NEK6: variants seen among roughly 807,000 people sequenced by gnomAD.
The protein encoded by NEK6 is serine/threonine-protein kinase Nek6.
A neutral mutation model predicts 43.5 loss-of-function variants in NEK6; 27 were observed. That is an observed-to-expected ratio of 0.62 (90% confidence interval 0.46 to 0.86). The LOEUF (loss-of-function observed/expected upper bound fraction) is 0.86, where lower values mean the gene tolerates loss of function less well. NEK6 is among the 40% of genes least tolerant of loss of function. The pLI is 0.00. For synonymous variants in NEK6, 167 were observed against 164.1 expected (o/e 1.02, Z -0.14); for missense variants, 318 against 414.4 (o/e 0.77, Z 2.02).
chr9:124,322,075 T>G (rs75972965), intron 5 of NEK6, among the ~76,000 whole-genome samples: 1,853 of 152,228 alleles, frequency 0.012, 26 homozygotes, highest in African/African-American at 0.041. Context: ...CCCAGAGAGG[T>G]TAAGAGACTT....
At chr9:124,344,079 G>A (rs1017357140) in intron 8 of NEK6, among the ~76,000 whole-genome samples, 1 of 152,142 alleles carries the variant, frequency 6.6e-6, no homozygotes, top group Non-Finnish European at 1.5e-5. Flanking sequence ...GGCCACCCGC[G>A]GTCCTCGGTC....
intron 4 of NEK6, among the ~76,000 whole-genome samples, chr9:124,319,365 A>T (rs950228481): frequency 6.6e-6 from 1 of 151,926 alleles, no homozygotes; most frequent in African/African-American, 2.4e-5. Context: ...CCTTTGTCAG[A>T]TGCATAGTTT....
chr9:124,292,962 T>G (rs760001393), intron 1 of NEK6: 10 of 1,574,346 alleles, frequency 6.4e-6, no homozygotes, highest in Non-Finnish European at 8.6e-6. Context: ...AGAAGTTTGC[T>G]GGGAGGCAGC....
At chr9:124,327,283 C>A in intron 6 of NEK6, 55 bp from the exon 7 acceptor site, 2 of 1,449,360 alleles carry the variant, frequency 1.4e-6, no homozygotes, top group Non-Finnish European at 1.9e-6. Flanking sequence ...CTCGTCCTGC[C>A]CCACCTACCC....
At chr9:124,297,008 T>C (rs1832725456) in intron 1 of NEK6, among the ~76,000 whole-genome samples, 1 of 152,238 alleles carries the variant, frequency 6.6e-6, no homozygotes, top group South Asian at 2.1e-4. Flanking sequence ...GCCTCATCCA[T>C]GGCCGGGCAG....
intron 9 of NEK6, 131 bp downstream of exon 9, chr9:124,347,953 TG>T (rs1426512102): frequency 7.1e-6 from 4 of 563,282 alleles, no homozygotes; most frequent in Non-Finnish European, 1.3e-5. Context: ...GGGAGCTTTC[TG>T]GAAAAGTGAC....
intron 9 of NEK6, among the ~76,000 whole-genome samples, chr9:124,349,727 C>G (rs1830148362): frequency 6.6e-6 from 1 of 152,224 alleles, no homozygotes; most frequent in Admixed American, 6.5e-5. Flanking sequence ...GGTATTTTAA[C>G]CTGTCAGAGG....
At chr9:124,330,188 C>T (rs373924662) in intron 7 of NEK6, among the ~76,000 whole-genome samples, 6 of 152,114 alleles carry the variant, frequency 3.9e-5, no homozygotes, top group South Asian at 2.1e-4. Flanking sequence ...GTGGCTGCCT[C>T]GGTGTCAGAA....
intron 8 of NEK6, among the ~76,000 whole-genome samples, chr9:124,342,165 C>T (rs1162238104): frequency 5.9e-5 from 9 of 152,074 alleles, no homozygotes; most frequent in African/African-American, 9.6e-5. Flanking sequence ...CCAGCGTCAC[C>T]GCCCTGCCCC....
chr9:124,330,059 AC>A (rs1828891439), intron 7 of NEK6, among the ~76,000 whole-genome samples: 1 of 151,800 alleles, frequency 6.6e-6, no homozygotes, highest in Admixed American at 6.6e-5. Flanking sequence ...GTCTCCTCCC[AC>A]TTCCCCCCTC....
At chr9:124,317,090 T>G (rs2130888338) in intron 4 of NEK6, among the ~76,000 whole-genome samples, 1 of 152,362 alleles carries the variant, frequency 6.6e-6, no homozygotes, top group South Asian at 2.1e-4. Context: ...TCTCAGAGAT[T>G]TGAAGGCACT....
intron 1 of NEK6, among the ~76,000 whole-genome samples, chr9:124,274,934 A>G (rs550071852): frequency 3.9e-5 from 6 of 152,312 alleles, no homozygotes; most frequent in African/African-American, 9.6e-5. Flanking sequence ...TTGATTAGCA[A>G]TGTCTGCTGT....
chr9:124,326,202 T>TCCCCCCCCCCCCCCC lies in NEK6; in HGVS notation c.406-117_406-116insCCCCCCCCCCCCCCC, dbSNP rs61223297. 1.8e-3 allele frequency: 229 copies of TCCCCCCCCCCCCCCC among 125,168 alleles called. 52 individuals carry two copies. Among genetic ancestry groups the TCCCCCCCCCCCCCCC allele is most frequent in the South Asian group, 2.6e-3 (40 of 15,384 alleles). 7.8% of individuals were successfully genotyped at this position (125,168 alleles called of 1,614,324 possible). A position where few individuals can be genotyped will look rare whatever the true frequency, so the allele number is the denominator to read the frequency against. ...GCTTATTGTTTGCTCAGTGGCTCAA[T>TCCCCCCCCCCCCCCC]CCCCCCCCCCCGCCCCTGCCAGGCA... is the stretch of plus-strand genomic sequence containing the variant. On this transcript the variant is annotated intron_variant, in intron 5 of 9. Coordinates refer to ENST00000320246, the MANE Select transcript of NEK6 (RefSeq NM_014397.6). This position sits in a 1 kb window ranked among gnomAD's most constrained non-coding sequence, Gnocchi z 4.5.
At chr9:124,281,871 C>T (rs559229565) in intron 1 of NEK6, among the ~76,000 whole-genome samples, 1 of 152,130 alleles carries the variant, frequency 6.6e-6, no homozygotes, top group South Asian at 2.1e-4. Context: ...CTCTGGCAAC[C>T]TATGTCTATC....
chr9:124,310,324 C>T (rs1179999667), intron 2 of NEK6, among the ~76,000 whole-genome samples: 1 of 152,260 alleles, frequency 6.6e-6, no homozygotes, highest in Non-Finnish European at 1.5e-5. Flanking sequence ...AGTAGACACT[C>T]AGGATGCCTG....
chr9:124,315,929 C>A (rs1237995312), intron 4 of NEK6, among the ~76,000 whole-genome samples: 3 of 152,246 alleles, frequency 2.0e-5, no homozygotes, highest in Admixed American at 6.5e-5. Context: ...ATGATGACAA[C>A]AGGGACGCTG....
chr9:124,344,786 G>C (rs1829833274), intron 8 of NEK6, among the ~76,000 whole-genome samples: 1 of 152,254 alleles, frequency 6.6e-6, no homozygotes, highest in Non-Finnish European at 1.5e-5. Context: ...GAGGTGCCCA[G>C]CTGGGACTGA....
chr9:124,317,670 C>T (rs1026374384), intron 4 of NEK6, among the ~76,000 whole-genome samples: 1 of 152,162 alleles, frequency 6.6e-6, no homozygotes. Flanking sequence ...CAGCCCTTGC[C>T]CCACTCCCGC....
In NEK6 at chr9:124,298,144, A is replaced by C. The variant is rs1241871373; in HGVS notation, c.-29-3792A>C. On this transcript the variant is annotated intron_variant, in intron 1 of 9. Coordinates refer to ENST00000320246, the MANE Select transcript of NEK6 (RefSeq NM_014397.6). ...TCCCCATCTATAAAATGGGTCTACC[A>C]ATAGCCCCGAGGGTGAATGGGAAAG... is the stretch of plus-strand genomic sequence containing the variant. 1.4e-4 allele frequency among the ~76,000 whole-genome samples: 22 copies of C among 152,158 alleles called. 1 individual carries two copies.
Sources: gnomAD v4.1 joint callset for allele counts (sites outside exome capture counted in the v4.1 genomes callset) on GRCh38, gnomAD v4.1.1 for gene constraint, Gnocchi (gnomAD v3.1) non-coding constraint, MANE v1.5 for transcripts, NCBI Gene and HGNC (gene_info 2026-07-23, HGNC 2026-07-21) for gene names.